Variants in ESR1 observed in about 807,000 individuals in gnomAD.
The protein encoded by ESR1 is estrogen receptor.
In ESR1, 12 loss-of-function variants were observed where a neutral mutation model predicts 52.7. The ratio of observed to expected loss-of-function variants is 0.23; its 90% confidence interval spans 0.15 to 0.37. ESR1 has a LOEUF of 0.37. ESR1 is among the 10% of genes least tolerant of loss of function. The pLI, the probability that ESR1 is intolerant of heterozygous loss-of-function variation, is 1.00. For synonymous variants in ESR1, 305 were observed against 316.8 expected (o/e 0.96, Z 0.39); for missense variants, 584 against 779.7 (o/e 0.75, Z 2.99).
intron 6 of ESR1, among the ~76,000 whole-genome samples, chr6:152,068,871 T>C (rs1313709755): frequency 1.4e-5 from 2 of 140,048 alleles, no homozygotes; most frequent in Non-Finnish European, 3.0e-5. Context: ...TGCATAAAAA[T>C]GAGTAAGGTC....
chr6:151,980,357 T>C (rs1243192495), intron 4 of ESR1, among the ~76,000 whole-genome samples: 1 of 152,230 alleles, frequency 6.6e-6, no homozygotes, highest in Non-Finnish European at 1.5e-5. Context: ...CTCTCTTTGA[T>C]GTGTCACTAT....
At chr6:151,695,701 A>T (rs368666514) in intron 1 of ESR1, among the ~76,000 whole-genome samples, 2 of 152,230 alleles carry the variant, frequency 1.3e-5, no homozygotes, top group East Asian at 3.8e-4. Flanking sequence ...CAACAAGAAA[A>T]TTTGAGTGTA....
intron 2 of ESR1, among the ~76,000 whole-genome samples, chr6:151,849,272 T>C (rs963680148): frequency 3.9e-5 from 6 of 152,212 alleles, no homozygotes; most frequent in Non-Finnish European, 8.8e-5. Context: ...TGTTCAGCAT[T>C]GTTTGTTGCT....
intron 3 of ESR1, among the ~76,000 whole-genome samples, chr6:151,930,871 G>T (rs1020223373): frequency 7.9e-5 from 12 of 152,074 alleles, no homozygotes; most frequent in African/African-American, 2.9e-4. Flanking sequence ...TTAATGTACG[G>T]TTTCTGAAGA....
chr6:151,757,646 C>T (rs1390184689), intron 2 of ESR1, among the ~76,000 whole-genome samples: 1 of 152,194 alleles, frequency 6.6e-6, no homozygotes, highest in East Asian at 1.9e-4. Context: ...TGTTGTTTCA[C>T]CCAAACATTG....
chr6:151,835,557 T>C (rs1323350278), intron 1 of ESR1, among the ~76,000 whole-genome samples: 1 of 152,172 alleles, frequency 6.6e-6, no homozygotes, highest in Non-Finnish European at 1.5e-5. Context: ...GAATGCAAAG[T>C]TGAACCCCTG....
intron 4 of ESR1, among the ~76,000 whole-genome samples, chr6:151,992,337 C>T (rs1463810627): frequency 6.6e-6 from 1 of 152,148 alleles, no homozygotes; most frequent in Non-Finnish European, 1.5e-5. Context: ...TGCCCTCAGC[C>T]TCAGGAAACC....
At chr6:151,906,184 T>A (rs1797423564) in intron 3 of ESR1, among the ~76,000 whole-genome samples, 1 of 152,086 alleles carries the variant, frequency 6.6e-6, no homozygotes, top group African/African-American at 2.4e-5. Context: ...CCCACAGAAG[T>A]AGTAGGACAG....
chr6:152,058,888 T>C (rs1354540209), intron 5 of ESR1, among the ~76,000 whole-genome samples: 1 of 152,196 alleles, frequency 6.6e-6, no homozygotes, highest in Admixed American at 6.6e-5. Flanking sequence ...TGATTTGACG[T>C]AACAATCTTG....
At position 151,722,931 on chromosome 6, in the gene ESR1, A is replaced by G. The variant is rs1459902528; in HGVS notation, c.-71+20926A>G. On this transcript the variant is annotated intron_variant, in intron 2 of 2. Transcript: ENST00000404742. Reference sequence around the variant, plus strand: ...GAAAGATATTGTTTTGTATCCCCCAATTGTGGTTTTCAATGTATATAAAAG... The same window carrying G: ...GAAAGATATTGTTTTGTATCCCCCAGTTGTGGTTTTCAATGTATATAAAAG... Among the ~76,000 whole-genome samples, 3 of 152,296 alleles carry G rather than the reference A, an allele frequency of 2.0e-5. No homozygotes were observed. In the East Asian group the frequency reaches 5.8e-4, roughly 29 times the overall value.
chr6:151,677,457 T>A (rs1287316379), intron 1 of ESR1, among the ~76,000 whole-genome samples: 1 of 152,252 alleles, frequency 6.6e-6, no homozygotes, highest in East Asian at 1.9e-4. Context: ...TGAATGAATG[T>A]ACACACAGAG....
At chr6:151,884,034 T>C (rs902875923) in intron 3 of ESR1, among the ~76,000 whole-genome samples, 5 of 152,210 alleles carry the variant, frequency 3.3e-5, no homozygotes, top group African/African-American at 1.2e-4. Flanking sequence ...CAATTCAGTA[T>C]GTGGCAATAT....
At chr6:152,009,921 A>C (rs1376452848) in intron 4 of ESR1, among the ~76,000 whole-genome samples, 1 of 152,188 alleles carries the variant, frequency 6.6e-6, no homozygotes, top group African/African-American at 2.4e-5. Context: ...TCAACTGTTC[A>C]TCATACATAC....
intron 3 of ESR1, among the ~76,000 whole-genome samples, chr6:151,929,842 T>C (rs1269219653): frequency 6.6e-6 from 1 of 152,192 alleles, no homozygotes; most frequent in Non-Finnish European, 1.5e-5. Context: ...AAGCAAGTGT[T>C]GATATATTTG....
chr6:152,085,313 AAAAC>A (rs2049612873), intron 6 of ESR1, among the ~76,000 whole-genome samples: 1 of 127,790 alleles, frequency 7.8e-6, no homozygotes, highest in African/African-American at 4.2e-5. Flanking sequence ...TCTTTCTAAA[AAAAC>A]AAAACAAAAC....
chr6:152,071,830 A>G (rs977709330), intron 6 of ESR1, among the ~76,000 whole-genome samples: 8 of 152,258 alleles, frequency 5.3e-5, no homozygotes, highest in African/African-American at 1.7e-4. Flanking sequence ...CATTTTTTTC[A>G]TACATCTTTT....
intron 2 of ESR1, among the ~76,000 whole-genome samples, chr6:151,844,358 T>C (rs1180534708): frequency 6.6e-6 from 1 of 152,196 alleles, no homozygotes; most frequent in Non-Finnish European, 1.5e-5. Flanking sequence ...ACCAAGCATT[T>C]AATTTGGCAG....
rs6923567 is a variant in ESR1 at position 151,931,005 on chromosome 6, T to C, written c.761-13168T>C. 8.6e-3 allele frequency among the ~76,000 whole-genome samples: 1,304 copies of C among 152,230 alleles called. 20 individuals are homozygous for C. Among genetic ancestry groups the C allele is most frequent in the African/African-American group, 0.028 (1,144 of 41,552 alleles). ...AGTTTGAATACAATATGCCTAGGTG[T>C]TGTTTGTTTTGTTTTTTTGTAAGGA... On this transcript the variant is annotated intron_variant, in intron 3 of 7. Transcript: ENST00000206249.
intron 5 of ESR1, among the ~76,000 whole-genome samples, chr6:152,042,586 C>T (rs1442020535): frequency 6.6e-6 from 1 of 152,148 alleles, no homozygotes; most frequent in East Asian, 1.9e-4. Flanking sequence ...CAAGGGGACC[C>T]AGCCTCCCCT....
Sources: allele counts gnomAD v4.1 joint callset (sites outside exome capture counted in the v4.1 genomes callset), GRCh38; gene constraint gnomAD v4.1.1; transcripts MANE v1.5; gene names NCBI Gene and HGNC (gene_info 2026-07-23, HGNC 2026-07-21).